The following DAB1 variants were observed in gnomAD, a reference collection of about 807,000 sequenced individuals.
DAB1 encodes disabled homolog 1.
DAB1 carries 15 observed loss-of-function variants against 64.6 expected under a neutral mutation model. The ratio of observed to expected loss-of-function variants is 0.23; its 90% CI spans 0.16 to 0.36. The LOEUF (loss-of-function observed/expected upper bound fraction) is 0.36, where lower values mean the gene tolerates loss of function less well. Among genes scored for constraint, DAB1 ranks in the 10% least tolerant of loss-of-function variants. The pLI, the probability that DAB1 is intolerant of heterozygous loss-of-function variation, is 1.00. For missense variants in DAB1, 596 were observed against 706.7 expected (o/e 0.84, Z 1.78); for synonymous variants, 235 against 251.9 (o/e 0.93, Z 0.64).
At chr1:58,126,167 A>G (rs1653065196) in intron 5 of DAB1, among the ~76,000 whole-genome samples, 1 of 152,200 alleles carries the variant, frequency 6.6e-6, no homozygotes, top group Non-Finnish European at 1.5e-5. Context: ...CAAAAAGAAA[A>G]GGCCTTAAAG....
chr1:58,157,699 G>A lies in DAB1; in HGVS notation n.310-7111C>T, dbSNP rs1045440911. Among the ~76,000 whole-genome samples the A allele has an allele frequency of 1.3e-5, 2 of 152,140 alleles. 1 individual carries two copies. The highest frequency in any genetic ancestry group is 1.3e-4 in the Admixed American group (2 of 15,278). On this transcript the variant is annotated intron_variant and non_coding_transcript_variant, in intron 4 of 20. Coordinates refer to the DAB1 transcript ENST00000485760. ...GGACCAGGTAAACACTGAGTTGCTG[G>A]AATCCAGAACCAAATCTGACAGGGC... is the stretch of plus-strand genomic sequence containing the variant.
At chr1:58,228,368 G>C (rs183359480) in intron 4 of DAB1, among the ~76,000 whole-genome samples, 1 of 152,094 alleles carries the variant, frequency 6.6e-6, no homozygotes, top group Non-Finnish European at 1.5e-5. Context: ...TTGCTTTTTG[G>C]GGGGGTAAGG....
chr1:58,233,711 A>G (rs1659888551), intron 4 of DAB1, among the ~76,000 whole-genome samples: 1 of 152,232 alleles, frequency 6.6e-6, no homozygotes, highest in Non-Finnish European at 1.5e-5. Context: ...CCTGGAGTCC[A>G]GAAGGTCTGA....
chr1:58,514,861 G>A (rs1396756891), intron 2 of DAB1, among the ~76,000 whole-genome samples: 1 of 152,150 alleles, frequency 6.6e-6, no homozygotes, highest in Non-Finnish European at 1.5e-5. Flanking sequence ...CTCCACTTTG[G>A]GAGAGGGAAA....
At chr1:57,125,794 C>G (rs1470113416) in intron 4 of DAB1, among the ~76,000 whole-genome samples, 1 of 152,086 alleles carries the variant, frequency 6.6e-6, no homozygotes, top group Non-Finnish European at 1.5e-5. Context: ...TCACTGAAGC[C>G]CACCAGAAGA....
At chr1:57,174,941 T>C (rs1179941570) in intron 2 of DAB1, among the ~76,000 whole-genome samples, 2 of 152,088 alleles carry the variant, frequency 1.3e-5, no homozygotes, top group African/African-American at 4.8e-5. Context: ...CTATGAAAAA[T>C]GAAGTTCAAG....
chr1:57,365,797 G>T (rs555242581), intron 1 of DAB1, among the ~76,000 whole-genome samples: 1 of 152,304 alleles, frequency 6.6e-6, no homozygotes, highest in African/African-American at 2.4e-5. Context: ...AGGTTGCACA[G>T]ACATTTATAC....
intron 5 of DAB1, among the ~76,000 whole-genome samples, chr1:58,009,411 C>G (rs1486391482): frequency 6.6e-6 from 1 of 152,090 alleles, no homozygotes; most frequent in Non-Finnish European, 1.5e-5. Context: ...CAAAGGAAAA[C>G]TGAAATAAGG....
intron 1 of DAB1, among the ~76,000 whole-genome samples, chr1:57,396,781 G>C (rs960124196): frequency 2.6e-5 from 4 of 152,160 alleles, no homozygotes; most frequent in Non-Finnish European, 5.9e-5. Flanking sequence ...CATAGAGCCT[G>C]ACTATAAGAA....
intron 2 of DAB1, among the ~76,000 whole-genome samples, chr1:58,516,668 G>C (rs138732619): frequency 2.9e-3 from 447 of 152,278 alleles, no homozygotes; most frequent in Non-Finnish European, 5.0e-3. Context: ...TTTGAAAGAG[G>C]CTTCATGAGT....
chr1:58,399,070 A>G (rs1457190610), intron 3 of DAB1, among the ~76,000 whole-genome samples: 3 of 152,224 alleles, frequency 2.0e-5, no homozygotes, highest in Non-Finnish European at 2.9e-5. Flanking sequence ...TTTTCATGTT[A>G]TCTCACTTCA....
intron 7 of DAB1, among the ~76,000 whole-genome samples, chr1:57,557,768 A>G (rs1277848862): frequency 5.3e-5 from 8 of 152,314 alleles, no homozygotes; most frequent in Non-Finnish European, 1.0e-4. Flanking sequence ...TAGTGACTCT[A>G]TACATAATAC....
At chr1:57,435,916 C>CTTTTTTTTTTTT (rs1183686656) in intron 7 of DAB1, among the ~76,000 whole-genome samples, 1 of 127,204 alleles carries the variant, frequency 7.9e-6, no homozygotes, top group Non-Finnish European at 1.7e-5. Context: ...TTTTTTCTTT[C>CTTTTTTTTTTTT]TTTTTTTTTT....
intron 7 of DAB1, among the ~76,000 whole-genome samples, chr1:57,628,500 C>T (rs986352084): frequency 1.1e-4 from 16 of 152,240 alleles, no homozygotes; most frequent in East Asian, 5.8e-4. Flanking sequence ...CGCTGAGTGG[C>T]CACTTGGTAT....
At chr1:57,035,833 CTTTTTTTTTTTTTTTTTT>C (rs35389635) in intron 9 of DAB1, among the ~76,000 whole-genome samples, 2 of 61,916 alleles carry the variant, frequency 3.2e-5, no homozygotes, top group South Asian at 1.4e-3. Context: ...CGCACATGCA[CTTTTTTTTTTTTTTTTTT>C]TTTTTTTTTT....
rs573591524 is a variant in DAB1 at position 57,752,340 on chromosome 1, G to A, written n.552-102675C>T. On this transcript the variant is annotated intron_variant and non_coding_transcript_variant, in intron 6 of 20. Coordinates refer to the DAB1 transcript ENST00000485760. ...ATATACACCTGTCAAGATATAAGCC[G>A]GGTTTTGATGTTGAGACAAAGGAAG... Among the ~76,000 whole-genome samples the A allele has an allele frequency of 2.2e-4, 33 of 152,176 alleles. 1 individual carries two copies. In the South Asian group the frequency reaches 2.7e-3, roughly 12 times the overall value.
chr1:57,788,804 T>C (rs1650455115), intron 6 of DAB1, among the ~76,000 whole-genome samples: 1 of 152,198 alleles, frequency 6.6e-6, no homozygotes, highest in South Asian at 2.1e-4. Context: ...TATGTGTAAA[T>C]GGTTGTTGAT....
At chr1:58,253,813 G>A (rs1452430755) in intron 4 of DAB1, among the ~76,000 whole-genome samples, 1 of 152,188 alleles carries the variant, frequency 6.6e-6, no homozygotes, top group Non-Finnish European at 1.5e-5. Context: ...TTACCTGGGT[G>A]ATCACTGCAC....
At chr1:58,373,364 T>A (rs1644288276) in intron 3 of DAB1, among the ~76,000 whole-genome samples, 1 of 131,488 alleles carries the variant, frequency 7.6e-6, no homozygotes, top group Non-Finnish European at 1.7e-5. Context: ...GATATTCCCC[T>A]TCCTGTGTCC....
Sources: gnomAD v4.1 joint callset for allele counts (sites outside exome capture counted in the v4.1 genomes callset) on GRCh38, gnomAD v4.1.1 for gene constraint, MANE v1.5 for transcripts, NCBI Gene and HGNC (gene_info 2026-07-23, HGNC 2026-07-21) for gene names.